DHTKD1: variants seen among roughly 807,000 people sequenced by gnomAD.
DHTKD1 encodes 2-oxoadipate dehydrogenase complex component E1.
A neutral mutation model predicts 101.8 loss-of-function variants in DHTKD1; 78 were observed. The observed-to-expected ratio is 0.77, with a 90% confidence interval of 0.64 to 0.93. The LOEUF (loss-of-function observed/expected upper bound fraction) is 0.93, where lower values mean the gene tolerates loss of function less well. Ranked by LOEUF, DHTKD1 falls within the 40% of genes least tolerant of loss-of-function variation. The pLI, the probability that DHTKD1 is intolerant of heterozygous loss-of-function variation, is 0.00. For synonymous variants in DHTKD1, 462 were observed against 450.3 expected, an observed-to-expected ratio of 1.03 and a Z score of -0.33; for missense variants, 1,223 against 1,161.7, an observed-to-expected ratio of 1.05 and a Z score of -0.77.
rs569087792 is a variant in DHTKD1, at chr10:12,108,528, C to A, written c.2154+513C>A. ...CTCCTGGCCTCAAGTGATCTACCCG[C>A]CTCAGCTTCCCAAAGTGCTGGGATT... On this transcript the variant is annotated intron_variant, in intron 12 of 16. Coordinates refer to ENST00000263035, the MANE Select transcript of DHTKD1 (RefSeq NM_018706.7). 2.6e-5 allele frequency among the ~76,000 whole-genome samples: 4 copies of A among 152,186 alleles called. No homozygotes were observed. The South Asian group carries it at 8.3e-4, about 32-fold the overall frequency.
chr10:12,118,724 C>T (rs765233058), intron 14 of DHTKD1, 25 bp from the exon 15 acceptor site: 11 of 1,472,448 alleles, frequency 7.5e-6, no homozygotes, highest in Non-Finnish European at 9.9e-6. Flanking sequence ...CTCCCCCACC[C>T]TATTGTTCCT....
At chr10:12,085,716 T>TA (rs1251941920) in intron 3 of DHTKD1, among the ~76,000 whole-genome samples, 1 of 151,926 alleles carries the variant, frequency 6.6e-6, no homozygotes, top group Non-Finnish European at 1.5e-5. Flanking sequence ...CCGTGTCTAC[T>TA]AAAAAAACAA....
At chr10:12,101,322 G>A in intron 10 of DHTKD1, 141 bp downstream of exon 10, 2 of 882,876 alleles carry the variant, frequency 2.3e-6, no homozygotes, top group Non-Finnish European at 3.3e-6. Flanking sequence ...GGTGGATGAG[G>A]TGGGTCTGTC....
intron 2 of DHTKD1, among the ~76,000 whole-genome samples, chr10:12,084,205 A>G (rs1588605467): frequency 6.6e-6 from 1 of 152,206 alleles, no homozygotes; most frequent in East Asian, 1.9e-4. Context: ...TACAGGCGTG[A>G]GCCACGGCAC....
intron 1 of DHTKD1, among the ~76,000 whole-genome samples, chr10:12,077,496 C>T (rs776932399): frequency 1.4e-4 from 21 of 152,190 alleles, no homozygotes; most frequent in African/African-American, 4.1e-4. Flanking sequence ...CTTGGCCTCC[C>T]AAAGTGCTGG....
chr10:12,100,292 T>TTTTTTTTG (rs1564394856), intron 9 of DHTKD1, 30 bp downstream of exon 9: 1 of 868,112 alleles, frequency 1.2e-6, no homozygotes, highest in Non-Finnish European at 1.7e-6. Flanking sequence ...TTTCTGTTTT[T>TTTTTTTTG]TTTTTTTTTG....
chr10:12,106,288 G>A lies in DHTKD1; in HGVS notation c.1939G>A (p.Glu647Lys), dbSNP rs780139497. 8 of 1,613,996 alleles carry A rather than the reference G, an allele frequency of 5.0e-6. No individual in the cohort carries two copies. Among genetic ancestry groups the A allele is most frequent in the African/African-American group, 1.3e-5 (1 of 74,908 alleles). ...GTCAGAAGAGGCCGTCCTGGGATTTGAATATGGGATGAGCATTGAGAGCCC... is the reference window on the plus strand; with the variant it reads ...GTCAGAAGAGGCCGTCCTGGGATTTAAATATGGGATGAGCATTGAGAGCCC... Reference protein sequence around the residue: ...PLSEEAVLGFEYGMSIESPKL... With the variant: ...PLSEEAVLGFKYGMSIESPKL... Residue 647 changes from glutamate to lysine, a missense_variant, in exon 11 of 17, where the codon GAA becomes AAA. Coordinates refer to ENST00000263035, the MANE Select transcript of DHTKD1 (RefSeq NM_018706.7).
In DHTKD1 at chr10:12,113,650, G is replaced by A. The variant is rs147618406; in HGVS notation, c.2319+586G>A. 9.5e-3 allele frequency among the ~76,000 whole-genome samples: 1,447 copies of A among 152,300 alleles called. 31 individuals are homozygous for A. The highest frequency in any genetic ancestry group is 0.033 in the African/African-American group (1,373 of 41,562). ...AAAAGCTTTTAGGCTATTAGGCTGG[G>A]CATGGTGGCTCATGCCTATAATTCC... On this transcript the variant is annotated intron_variant, in intron 13 of 16. Coordinates refer to ENST00000263035, the MANE Select transcript of DHTKD1 (RefSeq NM_018706.7).
intron 3 of DHTKD1, among the ~76,000 whole-genome samples, chr10:12,086,090 G>A (rs866251678): frequency 6.6e-6 from 1 of 151,344 alleles, no homozygotes; most frequent in Non-Finnish European, 1.5e-5. Context: ...AGATGGTCTC[G>A]ATCTCCTGAC....
At chr10:12,076,305 G>C (rs1190798205) in intron 1 of DHTKD1, among the ~76,000 whole-genome samples, 1 of 152,168 alleles carries the variant, frequency 6.6e-6, no homozygotes, top group East Asian at 1.9e-4. Context: ...GTGAAACCCC[G>C]TCTCTACTAA....
intron 16 of DHTKD1, 30 bp from the exon 17 acceptor site, chr10:12,120,757 C>A: frequency 6.3e-6 from 10 of 1,584,720 alleles, no homozygotes; most frequent in Non-Finnish European, 8.7e-6. Flanking sequence ...GTCAAAATGT[C>A]ATTTTATTTC....
chr10:12,098,222 A>G (rs1440041873), intron 8 of DHTKD1, among the ~76,000 whole-genome samples: 1 of 152,128 alleles, frequency 6.6e-6, no homozygotes, highest in Non-Finnish European at 1.5e-5. Flanking sequence ...ATGCATGTTC[A>G]TACATTACAT....
In DHTKD1 at chr10:12,068,980, G is replaced by GT; in HGVS notation, c.-53dup. ...ACGAGTCCCGGATTTACCAGGGCCG[G>GT]TGGGATCCCCTCGGGCTCCCGCCTT... is the stretch of plus-strand genomic sequence containing the variant. On this transcript the variant is annotated 5_prime_UTR_variant, in exon 1 of 17. Coordinates refer to ENST00000263035, the MANE Select transcript of DHTKD1 (RefSeq NM_018706.7). 6.2e-7 allele frequency: 1 copy of GT among 1,604,526 alleles called. No individual in the cohort carries two copies. The highest frequency in any genetic ancestry group is 1.7e-5 in the Admixed American group (1 of 59,508).
intron 5 of DHTKD1, among the ~76,000 whole-genome samples, 186 bp from the exon 6 acceptor site, chr10:12,091,327 A>T (rs1030081378): frequency 1.5e-5 from 2 of 135,964 alleles, no homozygotes; most frequent in African/African-American, 5.4e-5. Flanking sequence ...CAGGAGAATC[A>T]CTTGAACCCG....
At chr10:12,120,340 T>TTTC in intron 16 of DHTKD1, 73 bp downstream of exon 16, 2 of 443,488 alleles carry the variant, frequency 4.5e-6, no homozygotes, top group African/African-American at 4.8e-5. Flanking sequence ...TCTTTCTTTC[T>TTTC]TTTTTTTTTT....
Position 12,122,720 on chromosome 10 carries a change from A to G in DHTKD1, c.*1832A>G, listed in dbSNP as rs1287606707. ...CACCAGGTGCTTGGGGATTTCTTAG[A>G]GATCACCAACCGACTCCCTCACTGT... On this transcript the variant is annotated 3_prime_UTR_variant, in exon 17 of 17. Transcript: ENST00000263035. 3 of 152,222 alleles carry G rather than the reference A, an allele frequency of 2.0e-5. No individual in the cohort carries two copies. The highest frequency in any genetic ancestry group is 4.1e-4 in the South Asian group (2 of 4,836). 9.4% of individuals were successfully genotyped at this position (152,222 alleles called of 1,614,324 possible).
At chr10:12,098,138 G>A (rs1234938223) in intron 8 of DHTKD1, 142 bp downstream of exon 8, 8 of 756,116 alleles carry the variant, frequency 1.1e-5, no homozygotes, top group Middle Eastern at 7.5e-4. Context: ...TGATCCTAGT[G>A]TTGTTTTGGT....
intron 1 of DHTKD1, among the ~76,000 whole-genome samples, chr10:12,073,743 C>T (rs1832684236): frequency 6.6e-6 from 1 of 152,200 alleles, no homozygotes; most frequent in Non-Finnish European, 1.5e-5. Context: ...GTAATGCGTG[C>T]ATCCCCACCA....
intron 15 of DHTKD1, among the ~76,000 whole-genome samples, chr10:12,119,591 G>C (rs569804178): frequency 6.9e-6 from 1 of 144,158 alleles, no homozygotes; most frequent in Non-Finnish European, 1.5e-5. Context: ...ACTCCAGCCT[G>C]GGCGACAGAG....
Sources: allele counts gnomAD v4.1 joint callset (sites outside exome capture counted in the v4.1 genomes callset), GRCh38; gene constraint gnomAD v4.1.1; transcripts MANE v1.5; gene names NCBI Gene and HGNC (gene_info 2026-07-23, HGNC 2026-07-21).